Variants in PREP observed in about 807,000 individuals in gnomAD.
The protein encoded by PREP is prolyl endopeptidase.
Under a neutral mutation model 87.6 loss-of-function variants are expected in PREP, and 29 were observed. The ratio of observed to expected loss-of-function variants is 0.33; its 90% CI spans 0.25 to 0.45. PREP has a LOEUF of 0.45. Among genes scored for constraint, PREP ranks in the 20% least tolerant of loss-of-function variants. The pLI is 1.00. For missense variants in PREP, 695 were observed against 886.5 expected, an observed-to-expected ratio of 0.78 and a Z score of 2.74; for synonymous variants, 337 against 328.6, an observed-to-expected ratio of 1.03 and a Z score of -0.28.
intron 6 of PREP, among the ~76,000 whole-genome samples, chr6:105,363,406 T>C (rs1401988079): frequency 2.0e-5 from 3 of 152,228 alleles, no homozygotes; most frequent in Non-Finnish European, 2.9e-5. Flanking sequence ...TTGGGTTTTT[T>C]TGGTCCAATA....
Position 105,299,372 on chromosome 6 carries a change from A to T in PREP, c.1318-10478T>A, listed in dbSNP as rs568511723. ...CCAGAACTTTGGGAGGCCAAGACGG[A>T]CAGATCACTTGAGGACAGGAGTTCA... On this transcript the variant is annotated intron_variant, in intron 10 of 14. Transcript: ENST00000652536. 5.3e-5 allele frequency among the ~76,000 whole-genome samples: 8 copies of T among 152,294 alleles called. No individual in the cohort carries two copies. In the East Asian group the frequency reaches 1.5e-3, roughly 29 times the overall value.
At chr6:105,353,197 C>T (rs1048507148) in intron 6 of PREP, 120 bp from the exon 7 acceptor site, 2 of 672,148 alleles carry the variant, frequency 3.0e-6, no homozygotes, top group Non-Finnish European at 4.9e-6. Context: ...CTGCCCCAAA[C>T]TCATGATCTG....
intron 6 of PREP, among the ~76,000 whole-genome samples, chr6:105,362,603 C>T (rs1033942646): frequency 2.0e-5 from 3 of 152,192 alleles, no homozygotes; most frequent in South Asian, 2.1e-4. Context: ...GTATGAAGAG[C>T]GGCACAGCCT....
intron 2 of PREP, among the ~76,000 whole-genome samples, chr6:105,377,752 T>G (rs971729940): frequency 6.6e-6 from 1 of 152,230 alleles, no homozygotes; most frequent in Non-Finnish European, 1.5e-5. Flanking sequence ...ACTCAGCTAA[T>G]GCTTACAGGG....
intron 3 of PREP, among the ~76,000 whole-genome samples, chr6:105,376,627 A>C (rs1181537543): frequency 6.6e-6 from 1 of 152,206 alleles, no homozygotes; most frequent in East Asian, 1.9e-4. Flanking sequence ...TTCCCTAGCA[A>C]GGCTGCTAGG....
chr6:105,276,755 T>C lies in PREP; in HGVS notation c.*1389A>G, dbSNP rs1336519974. ...ACCAAGCCATATAGCTGTCTTTCAATATGCTTGGTATGCAGTGATATGCTT... is the reference window on the plus strand; with the variant it reads ...ACCAAGCCATATAGCTGTCTTTCAACATGCTTGGTATGCAGTGATATGCTT... On this transcript the variant is annotated 3_prime_UTR_variant, in exon 15 of 15. Coordinates refer to ENST00000652536, the MANE Select transcript of PREP (RefSeq NM_002726.5). Among the ~76,000 whole-genome samples, 5 of 152,222 alleles carry C rather than the reference T, an allele frequency of 3.3e-5. No individual in the cohort carries two copies. The highest frequency in any genetic ancestry group is 7.3e-5 in the Non-Finnish European group (5 of 68,046).
chr6:105,377,144 G>A (rs961514463), intron 3 of PREP, among the ~76,000 whole-genome samples: 3 of 152,106 alleles, frequency 2.0e-5, no homozygotes, highest in Non-Finnish European at 2.9e-5. Context: ...ATAAGACGAC[G>A]ATTTCCTATA....
intron 2 of PREP, among the ~76,000 whole-genome samples, chr6:105,389,620 A>T (rs1401051678): frequency 6.6e-6 from 1 of 152,156 alleles, no homozygotes; most frequent in African/African-American, 2.4e-5. Flanking sequence ...ACATTTAACT[A>T]ACCCCTCACG....
intron 2 of PREP, among the ~76,000 whole-genome samples, chr6:105,378,820 G>A (rs1772760610): frequency 6.6e-6 from 1 of 152,158 alleles, no homozygotes; most frequent in African/African-American, 2.4e-5. Context: ...TACTTTGAAT[G>A]GCAGGGAAAA....
intron 11 of PREP, 115 bp from the exon 12 acceptor site, chr6:105,285,695 A>C (rs552368423): frequency 3.9e-6 from 3 of 759,696 alleles, no homozygotes; most frequent in African/African-American, 3.5e-5. Flanking sequence ...TATCATCTCA[A>C]TAGGAGCTTG....
chr6:105,399,474 T>C (rs1004827340), intron 1 of PREP, among the ~76,000 whole-genome samples: 2 of 152,166 alleles, frequency 1.3e-5, no homozygotes, highest in Admixed American at 6.5e-5. Flanking sequence ...CAGAACACTC[T>C]GTATATATTT....
chr6:105,397,942 A>G lies in PREP; in HGVS notation c.46-15T>C. 2 of 1,565,012 alleles carry G rather than the reference A, an allele frequency of 1.3e-6. No homozygotes were observed. The highest frequency in any genetic ancestry group is 1.8e-6 in the Non-Finnish European group (2 of 1,135,414). On this transcript the variant is annotated splice_polypyrimidine_tract_variant and intron_variant, in intron 1 of 14. Coordinates refer to ENST00000652536, the MANE Select transcript of PREP (RefSeq NM_002726.5). ...TAATCCTGTACCTGTAAAAAACAAAATGAGGTATTAGATAATTACTCTCTA... is the reference window on the plus strand; with the variant it reads ...TAATCCTGTACCTGTAAAAAACAAAGTGAGGTATTAGATAATTACTCTCTA...
chr6:105,387,186 C>T (rs190861355), intron 2 of PREP, among the ~76,000 whole-genome samples: 4 of 151,328 alleles, frequency 2.6e-5, no homozygotes, highest in South Asian at 4.2e-4. Context: ...CACTGCACTG[C>T]GGCCTGGGTG....
At position 105,282,666 on chromosome 6, in the gene PREP, C is replaced by T. The variant is rs536874673; in HGVS notation, c.1550-84G>A. ...TAATGGGAATTCAAATGATAGAGCA[C>T]GGTTTCAAATACTGATTAACTTAAA... On this transcript the variant is annotated intron_variant, in intron 12 of 14. Transcript: ENST00000652536. 76 of 1,473,976 alleles carry T rather than the reference C, an allele frequency of 5.2e-5. No individual in the cohort carries two copies. In the African/African-American group the frequency reaches 5.5e-4, roughly 11 times the overall value. The allele number at this position is 1,473,976 out of a possible 1,614,324, so 91.3% of individuals were successfully genotyped here.
intron 10 of PREP, among the ~76,000 whole-genome samples, chr6:105,304,547 C>T (rs1209549913): frequency 6.6e-6 from 1 of 152,126 alleles, no homozygotes. Context: ...CTCTGGGGGC[C>T]CCTCCTGAAC....
chr6:105,314,842 C>T (rs904549094), intron 10 of PREP, among the ~76,000 whole-genome samples: 15 of 152,058 alleles, frequency 9.9e-5, no homozygotes, highest in African/African-American at 3.1e-4. Context: ...ATTTACTCTG[C>T]CCAGATCCAT....
At chr6:105,310,600 T>TA (rs1770741056) in intron 10 of PREP, among the ~76,000 whole-genome samples, 1 of 152,174 alleles carries the variant, frequency 6.6e-6, no homozygotes, top group Admixed American at 6.5e-5. Flanking sequence ...CTCTGTTGGT[T>TA]CAGCTCTCAC....
At chr6:105,296,910 C>T (rs1265072855) in intron 10 of PREP, among the ~76,000 whole-genome samples, 1 of 152,256 alleles carries the variant, frequency 6.6e-6, no homozygotes, top group East Asian at 1.9e-4. Flanking sequence ...ATGCAAAGGA[C>T]CTCCATGTCC....
chr6:105,348,553 GA>G (rs1771860839), intron 7 of PREP, among the ~76,000 whole-genome samples: 1 of 152,074 alleles, frequency 6.6e-6, no homozygotes, highest in Non-Finnish European at 1.5e-5. Flanking sequence ...GAAAGGAGGA[GA>G]GGGGGCAACT....
Sources: allele counts gnomAD v4.1 joint callset (sites outside exome capture counted in the v4.1 genomes callset), GRCh38; gene constraint gnomAD v4.1.1; transcripts MANE v1.5; gene names NCBI Gene and HGNC (gene_info 2026-07-23, HGNC 2026-07-21).